Variants in DPYD observed in about 807,000 individuals in gnomAD.
DPYD encodes dihydropyrimidine dehydrogenase [NADP(+)].
Under a neutral mutation model 116.2 loss-of-function variants are expected in DPYD, and 109 were observed. The observed-to-expected ratio is 0.94, with a 90% CI of 0.80 to 1.10. DPYD has a LOEUF of 1.10. Ranked by LOEUF, DPYD falls within the 50% of genes least tolerant of loss-of-function variation. DPYD has a pLI of 0.00. For synonymous variants in DPYD, 440 were observed against 432.0 expected, an observed-to-expected ratio of 1.02 and a Z score of -0.23; for missense variants, 1,302 against 1,254.5, an observed-to-expected ratio of 1.04 and a Z score of -0.57.
At chr1:97,335,427 A>G (rs1342079124) in intron 16 of DPYD, among the ~76,000 whole-genome samples, 1 of 152,018 alleles carries the variant, frequency 6.6e-6, no homozygotes, top group African/African-American at 2.4e-5. Context: ...CACAGATTCC[A>G]ATATTCAGAA....
chr1:97,093,443 G>C (rs1268311666), intron 21 of DPYD, among the ~76,000 whole-genome samples: 2 of 152,102 alleles, frequency 1.3e-5, no homozygotes, highest in African/African-American at 4.8e-5. Context: ...TCTTAACGTG[G>C]ATTTCTTTCA....
intron 1 of DPYD, among the ~76,000 whole-genome samples, chr1:97,885,493 T>C (rs1672437760): frequency 6.6e-6 from 1 of 152,084 alleles, no homozygotes; most frequent in African/African-American, 2.4e-5. Context: ...CTAAAATAAA[T>C]GTTATACTTA....
chr1:97,827,623 A>C (rs913059002), intron 3 of DPYD, among the ~76,000 whole-genome samples: 1 of 152,098 alleles, frequency 6.6e-6, no homozygotes, highest in Non-Finnish European at 1.5e-5. Context: ...AGTTGAAAGG[A>C]AGTTAATTAT....
chr1:97,085,173 T>C (rs1649427209), intron 21 of DPYD, among the ~76,000 whole-genome samples: 1 of 152,194 alleles, frequency 6.6e-6, no homozygotes, highest in Non-Finnish European at 1.5e-5. Flanking sequence ...TTAAATCTAG[T>C]AAATAAATCA....
intron 3 of DPYD, among the ~76,000 whole-genome samples, chr1:97,757,247 T>C (rs987273881): frequency 3.9e-5 from 6 of 152,266 alleles, no homozygotes; most frequent in Admixed American, 3.9e-4. Context: ...TAAGCTTAAA[T>C]CATGATAGCA....
intron 18 of DPYD, among the ~76,000 whole-genome samples, chr1:97,275,065 G>A (rs1201222688): frequency 6.6e-6 from 1 of 152,020 alleles, no homozygotes; most frequent in African/African-American, 2.4e-5. Flanking sequence ...AGGTACCATA[G>A]GTATAGAAGC....
intron 20 of DPYD, among the ~76,000 whole-genome samples, chr1:97,137,193 A>G (rs1653875262): frequency 6.6e-6 from 1 of 152,218 alleles, no homozygotes; most frequent in Admixed American, 6.5e-5. Flanking sequence ...GTGTCTTCCC[A>G]GAGCTGATTA....
At chr1:97,893,429 CAT>C (rs59336649) in intron 1 of DPYD, among the ~76,000 whole-genome samples, 1,830 of 71,882 alleles carry the variant, frequency 0.025, 36 homozygotes, top group African/African-American at 0.047. Flanking sequence ...ATATCCATCG[CAT>C]ATATATATAT....
rs74106643 is a variant in DPYD, at chr1:97,104,408, T to C, written c.2623-5776A>G. ...GATTCATACATTCAGAAAACATTTA[T>C]AAGGAGCCAGACACTTGAAATTTAT... is the stretch of plus-strand genomic sequence containing the variant. On this transcript the variant is annotated intron_variant, in intron 20 of 22. Coordinates refer to ENST00000370192, the MANE Select transcript of DPYD (RefSeq NM_000110.4). Among the ~76,000 whole-genome samples the C allele has an allele frequency of 4.0e-3, 603 of 152,238 alleles. 5 individuals carry two copies. Among genetic ancestry groups the C allele is most frequent in the African/African-American group, 0.014 (572 of 41,542 alleles).
chr1:97,232,923 T>A lies in DPYD; in HGVS notation c.2442+1929A>T, dbSNP rs140757501. 4.1e-3 allele frequency among the ~76,000 whole-genome samples: 618 copies of A among 152,318 alleles called. 5 individuals are homozygous for A. Among genetic ancestry groups the A allele is most frequent in the African/African-American group, 0.014 (596 of 41,564 alleles). The stretch of plus-strand genomic sequence containing the variant: ...GGCATCTATCAATTCTTTTTTATGA[T>A]CCAGCCTGAGGTTTTCCTGGGTCTT... On this transcript the variant is annotated intron_variant, in intron 19 of 22. Coordinates refer to ENST00000370192, the MANE Select transcript of DPYD (RefSeq NM_000110.4).
intron 2 of DPYD, among the ~76,000 whole-genome samples, chr1:97,877,871 A>G (rs530246563): frequency 1.3e-5 from 2 of 152,130 alleles, no homozygotes; most frequent in African/African-American, 4.8e-5. Flanking sequence ...CGTGAATGAG[A>G]TTGACTGCTA....
At chr1:97,290,542 A>G (rs550401631) in intron 18 of DPYD, among the ~76,000 whole-genome samples, 1,854 of 152,250 alleles carry the variant, frequency 0.012, 32 homozygotes, top group Middle Eastern at 0.044. Flanking sequence ...CATATCTACA[A>G]CTATCTGATC....
intron 16 of DPYD, among the ~76,000 whole-genome samples, chr1:97,364,631 T>A (rs916903414): frequency 6.6e-6 from 1 of 152,196 alleles, no homozygotes; most frequent in East Asian, 1.9e-4. Context: ...AAAACAAAAT[T>A]TTCAATAAGA....
intron 3 of DPYD, among the ~76,000 whole-genome samples, chr1:97,744,049 T>A (rs926569585): frequency 6.6e-6 from 1 of 152,060 alleles, no homozygotes; most frequent in Non-Finnish European, 1.5e-5. Flanking sequence ...AGCATAACAA[T>A]GAATTTGTCG....
intron 18 of DPYD, among the ~76,000 whole-genome samples, chr1:97,249,499 A>C (rs1662938888): frequency 6.6e-6 from 1 of 152,146 alleles, no homozygotes; most frequent in Non-Finnish European, 1.5e-5. Context: ...GTAAAACTTG[A>C]AACCATAAAG....
intron 1 of DPYD, among the ~76,000 whole-genome samples, chr1:97,890,966 A>G (rs985870160): frequency 1.3e-5 from 2 of 151,972 alleles, no homozygotes; most frequent in African/African-American, 4.8e-5. Context: ...ACCTTTTGCA[A>G]AAAGGCAGTG....
intron 20 of DPYD, among the ~76,000 whole-genome samples, chr1:97,113,037 T>C (rs1302054541): frequency 6.6e-6 from 1 of 152,166 alleles, no homozygotes; most frequent in African/African-American, 2.4e-5. Flanking sequence ...AAAGTAACTT[T>C]AACATGCACA....
rs148979774 is a variant in DPYD at position 97,694,327 on chromosome 1, T to A, written c.681-2529A>T. 7.2e-5 allele frequency among the ~76,000 whole-genome samples: 11 copies of A among 152,290 alleles called. No homozygotes were observed. In the East Asian group the frequency reaches 2.1e-3, roughly 29 times the overall value. ...TTTTTATATTCACTAATGGATGAAGTCAGCAAATAGACGAAACACATACAC... is the reference window on the plus strand; with the variant it reads ...TTTTTATATTCACTAATGGATGAAGACAGCAAATAGACGAAACACATACAC... On this transcript the variant is annotated intron_variant, in intron 6 of 22. Transcript: ENST00000370192.
chr1:97,630,237 A>G (rs755726025), intron 8 of DPYD, among the ~76,000 whole-genome samples: 1 of 151,712 alleles, frequency 6.6e-6, no homozygotes, highest in Non-Finnish European at 1.5e-5. Flanking sequence ...CTTACATTGG[A>G]CATTTTTTAT....
Sources: allele counts gnomAD v4.1 joint callset (sites outside exome capture counted in the v4.1 genomes callset), GRCh38; gene constraint gnomAD v4.1.1; transcripts MANE v1.5; gene names NCBI Gene and HGNC (gene_info 2026-07-23, HGNC 2026-07-21).